The following PPFIA3 variants were observed in gnomAD, a reference collection of about 807,000 sequenced individuals.
PPFIA3 encodes PPFI scaffold protein A3.
PPFIA3 carries 26 observed loss-of-function variants against 145.8 expected under a neutral mutation model. The ratio of observed to expected loss-of-function variants is 0.18; its 90% confidence interval spans 0.13 to 0.25. PPFIA3 has a LOEUF of 0.25. PPFIA3 is among the 10% of genes least tolerant of loss of function. The pLI, the probability that PPFIA3 is intolerant of heterozygous loss-of-function variation, is 1.00. For missense variants in PPFIA3, 1,008 were observed against 1,587.8 expected (o/e 0.63, Z 6.21); for synonymous variants, 645 against 661.4 (o/e 0.98, Z 0.38).
chr19:49,145,012 C>T (rs1361579534), intron 21 of PPFIA3, among the ~76,000 whole-genome samples: 1 of 150,540 alleles, frequency 6.6e-6, no homozygotes, highest in Non-Finnish European at 1.5e-5. Flanking sequence ...CTCACTGCAA[C>T]CTCCGTCTCC....
Position 49,130,095 on chromosome 19 carries a change from A to T in PPFIA3, c.657+28A>T. 1 of 1,595,484 alleles carries T rather than the reference A, an allele frequency of 6.3e-7. No homozygotes were observed. The highest frequency in any genetic ancestry group is 8.6e-7 in the Non-Finnish European group (1 of 1,169,454). ...GAGACATGGAAGTCCCCTCTCCGTGAGCTCCATTCAACTCCCTGACTTTGT... is the reference window on the plus strand; with the variant it reads ...GAGACATGGAAGTCCCCTCTCCGTGTGCTCCATTCAACTCCCTGACTTTGT... On this transcript the variant is annotated intron_variant, in intron 6 of 29. Transcript: ENST00000334186. The surrounding 1 kb of genome is among the most constrained non-coding windows in gnomAD (Gnocchi z 4.5).
chr19:49,130,697 C>A lies in PPFIA3; in HGVS notation c.879+98C>A. On this transcript the variant is annotated intron_variant, in intron 7 of 29. Transcript: ENST00000334186. This position sits in a 1 kb window ranked among gnomAD's most constrained non-coding sequence, Gnocchi z 4.5. ...ATGAATGGCGGAACCTCGATTCAGT[C>A]CACAGGCTGGGTGACTCCTCTTTGA... is the stretch of plus-strand genomic sequence containing the variant. 9.6e-7 allele frequency: 1 copy of A among 1,045,238 alleles called. No individual in the cohort carries two copies. The highest frequency in any genetic ancestry group is 1.4e-6 in the Non-Finnish European group (1 of 728,734). 64.7% of individuals were successfully genotyped at this position (1,045,238 alleles called of 1,614,324 possible).
intron 13 of PPFIA3, 75 bp downstream of exon 13, chr19:49,134,990 CCCA>C: frequency 7.7e-7 from 1 of 1,290,862 alleles, no homozygotes; most frequent in Non-Finnish European, 1.1e-6. Flanking sequence ...CCTTCTGATC[CCCA>C]CTTCCTGTCC....
chr19:49,130,842 T>A lies in PPFIA3; in HGVS notation c.879+243T>A, dbSNP rs2041060744. ...ACTTTGTTACCTAACTTTGGGTTCTTCTCTGGTGCCTCTAAATGGATTTTT... is the reference window on the plus strand; with the variant it reads ...ACTTTGTTACCTAACTTTGGGTTCTACTCTGGTGCCTCTAAATGGATTTTT... On this transcript the variant is annotated intron_variant, in intron 7 of 29. Transcript: ENST00000334186. The surrounding 1 kb of genome is among the most constrained non-coding windows in gnomAD (Gnocchi z 4.5). Among the ~76,000 whole-genome samples the A allele has an allele frequency of 6.6e-6, 1 of 152,112 alleles. No individual in the cohort carries two copies. The highest frequency in any genetic ancestry group is 2.4e-5 in the African/African-American group (1 of 41,412).
Position 49,150,274 on chromosome 19 carries a change from G to A in PPFIA3, c.*52G>A. The A allele has an allele frequency of 1.0e-6, 1 of 971,490 alleles. No individual in the cohort carries two copies. The highest frequency in any genetic ancestry group is 1.5e-6 in the Non-Finnish European group (1 of 661,800). The allele number at this position is 971,490 out of a possible 1,614,324, so 60.2% of individuals were successfully genotyped here. A position where few individuals can be genotyped will look rare whatever the true frequency, so the allele number is the denominator to read the frequency against. On this transcript the variant is annotated 3_prime_UTR_variant, in exon 30 of 30. Coordinates refer to ENST00000334186, the MANE Select transcript of PPFIA3 (RefSeq NM_003660.4). ...GACGGAAGAATCTTCCCGAGGCTGG[G>A]CTGTTCCCTCTCCTGCCCGGACTGT...
intron 1 of PPFIA3, among the ~76,000 whole-genome samples, chr19:49,121,925 C>T (rs912548589): frequency 3.3e-5 from 5 of 151,788 alleles, no homozygotes; most frequent in Non-Finnish European, 5.9e-5. Context: ...GCATGGCCAT[C>T]GCGCCTGGCC....
rs372634830 is a variant in PPFIA3 at position 49,128,465 on chromosome 19, G to T, written c.339G>T (p.Thr113=). 6.2e-7 allele frequency: 1 copy of T among 1,608,554 alleles called. No homozygotes were observed. Among genetic ancestry groups the T allele is most frequent in the Admixed American group, 1.7e-5 (1 of 59,664 alleles). The part of the protein sequence containing the change: ...IAELKAERNN[T]RLLLEHLECL... ...AGCTGAAGGCGGAACGGAACAACAC[G>T]CGGGTGAGGGGTGTTGAGGGCGGGG... Residue 113 remains threonine (T), a synonymous_variant, in exon 3 of 30, where the codon ACG becomes ACT. Transcript: ENST00000334186. This position sits in a 1 kb window ranked among gnomAD's most constrained non-coding sequence, Gnocchi z 4.1.
intron 16 of PPFIA3, among the ~76,000 whole-genome samples, chr19:49,139,047 GA>G (rs1250924746): frequency 1.3e-5 from 2 of 152,014 alleles, no homozygotes; most frequent in Non-Finnish European, 2.9e-5. Context: ...CTTTGAGGGA[GA>G]CAAAGAGATA....
chr19:49,137,117 C>G, intron 15 of PPFIA3: 2 of 443,516 alleles, frequency 4.5e-6, no homozygotes, highest in Middle Eastern at 5.9e-4. Flanking sequence ...ATATACCCCC[C>G]AGCCAGTACT....
At position 49,145,954 on chromosome 19, in the gene PPFIA3, C is replaced by T; in HGVS notation, c.2757C>T (p.Asn919=). The T allele has an allele frequency of 6.2e-7, 1 of 1,613,988 alleles. No individual in the cohort carries two copies. Residue 919 remains asparagine, a synonymous_variant, in exon 22 of 30, where the codon AAC becomes AAT. Coordinates refer to ENST00000334186, the MANE Select transcript of PPFIA3 (RefSeq NM_003660.4). ...APASSRTSTG[N]VWMTHEEMES... Reference sequence around the variant, plus strand: ...TCCCTGCCCCTCAGTCCACAGGAAACGTGTGGATGACACACGAGGAGATGG... The same window carrying T: ...TCCCTGCCCCTCAGTCCACAGGAAATGTGTGGATGACACACGAGGAGATGG...
chr19:49,126,880 G>A (rs1277948488), intron 1 of PPFIA3, among the ~76,000 whole-genome samples: 1 of 151,814 alleles, frequency 6.6e-6, no homozygotes, highest in African/African-American at 2.4e-5. Context: ...TACCAGGGTC[G>A]GCCAGCTTTG....
rs749181805 is a variant in PPFIA3, at chr19:49,134,927, C to T, written c.1520+12C>T. On this transcript the variant is annotated intron_variant, in intron 13 of 29. Coordinates refer to ENST00000334186, the MANE Select transcript of PPFIA3 (RefSeq NM_003660.4). ...TCCTCCTACTCCAGGTGACAGCAGCCCTTCTGCCCTGCCCCCACCATGGAG... is the reference window on the plus strand; with the variant it reads ...TCCTCCTACTCCAGGTGACAGCAGCTCTTCTGCCCTGCCCCCACCATGGAG... 6.5e-7 allele frequency: 1 copy of T among 1,544,930 alleles called. No individual in the cohort carries two copies. The highest frequency in any genetic ancestry group is 8.7e-7 in the Non-Finnish European group (1 of 1,144,638).
In PPFIA3 at chr19:49,149,843, C is replaced by G; in HGVS notation, c.3526+125C>G. 1 of 1,282,918 alleles carries G rather than the reference C, an allele frequency of 7.8e-7. No homozygotes were observed. Among genetic ancestry groups the G allele is most frequent in the South Asian group, 1.5e-5 (1 of 66,926 alleles). The allele number at this position is 1,282,918 out of a possible 1,614,324, so 79.5% of individuals were successfully genotyped here. A position where few individuals can be genotyped will look rare whatever the true frequency, so the allele number is the denominator to read the frequency against. On this transcript the variant is annotated intron_variant, in intron 28 of 29. Transcript: ENST00000334186. The surrounding 1 kb of genome is among the most constrained non-coding windows in gnomAD (Gnocchi z 5.7). ...GCCCACCCCTGAGGAATGGACTGCT[C>G]CAACGTTCCGGACTCCCCCGTCAGG...
rs2041103903 is a variant in PPFIA3, at chr19:49,133,745, CCTGA to C, written c.1162-46_1162-43del. The C allele has an allele frequency of 1.9e-6, 3 of 1,573,796 alleles. No individual in the cohort carries two copies. The highest frequency in any genetic ancestry group is 1.3e-5 in the African/African-American group (1 of 74,272). On this transcript the variant is annotated intron_variant, in intron 9 of 29. Transcript: ENST00000334186. This position sits in a 1 kb window ranked among gnomAD's most constrained non-coding sequence, Gnocchi z 7.2. ...GCCTTGGAGGAGGTGGGGCTGGGAG[CCTGA>C]CTGATCCTGGAAGGGTAAGTCACAC...
intron 5 of PPFIA3, 116 bp downstream of exon 5, chr19:49,129,570 G>A: frequency 8.9e-7 from 1 of 1,127,212 alleles, no homozygotes; most frequent in Non-Finnish European, 1.3e-6. Flanking sequence ...CAGGACTAGG[G>A]CAGACAAGCT....
At chr19:49,129,590 G>C in intron 5 of PPFIA3, 136 bp downstream of exon 5, 2 of 927,440 alleles carry the variant, frequency 2.2e-6, no homozygotes, top group Middle Eastern at 3.4e-4. Flanking sequence ...TATGGGGTTG[G>C]ACTATGGAGA....
At chr19:49,131,694 T>G (rs566626056) in intron 7 of PPFIA3, among the ~76,000 whole-genome samples, 24 of 147,622 alleles carry the variant, frequency 1.6e-4, no homozygotes, top group African/African-American at 5.8e-4. Flanking sequence ...TGGTGGTGGG[T>G]GCCTTTAGTC....
Position 49,140,086 on chromosome 19 carries a change from T to A in PPFIA3, c.2366T>A (p.Leu789Gln). Residue 789 changes from leucine (L) to glutamine (Q), a missense_variant and splice_region_variant, in exon 18 of 30, where the codon CTG becomes CAG. This residue lies in a region of PPFIA3 where 202 missense variants were observed against 241.8 expected (regional missense o/e 0.84). Transcript: ENST00000334186. ...CCCCCAGGCCGGGACAGCTCTTCTC[T>A]GGGTGAGTACCTCACTCTAACCCTT... ...MGPPGRDSSSLAGTPSDETLA... is the reference protein window; with the variant it reads ...MGPPGRDSSSQAGTPSDETLA... The A allele has an allele frequency of 1.2e-6, 2 of 1,613,930 alleles. No individual in the cohort carries two copies. The highest frequency in any genetic ancestry group is 1.7e-6 in the Non-Finnish European group (2 of 1,180,032).
Position 49,149,643 on chromosome 19 carries a change from C to T in PPFIA3, c.3451C>T (p.Pro1151Ser). ...AACTCCCGACTCAGCTGAGATGTTG[C>T]CCCCCAACTTTCGTTCGGCTGCAGC... ...GVTPDSAEMLPPNFRSAAAGA... is the reference protein window; with the variant it reads ...GVTPDSAEMLSPNFRSAAAGA... The change falls in exon 28 of 30, where the codon CCC becomes TCC. Residue 1151 changes from proline (P) to serine (S), a missense_variant. By Grantham distance (74) the Pro-to-Ser change is moderately conservative. Transcript: ENST00000334186. The surrounding 1 kb of genome is among the most constrained non-coding windows in gnomAD (Gnocchi z 5.7). 1.9e-6 allele frequency: 3 copies of T among 1,614,148 alleles called. No homozygotes were observed. The highest frequency in any genetic ancestry group is 2.5e-6 in the Non-Finnish European group (3 of 1,180,016).
Sources: allele counts gnomAD v4.1 joint callset (sites outside exome capture counted in the v4.1 genomes callset), GRCh38; gene constraint gnomAD v4.1.1; regional missense constraint gnomAD v4.1.1; non-coding constraint Gnocchi (gnomAD v3.1); transcripts MANE v1.5; gene names NCBI Gene and HGNC (gene_info 2026-07-23, HGNC 2026-07-21).